The following DOCK9 variants were observed in gnomAD, a reference collection of about 807,000 sequenced individuals.
DOCK9 encodes dedicator of cytokinesis 9.
In DOCK9, 89 loss-of-function variants were observed where a neutral mutation model predicts 263.3. The observed-to-expected ratio is 0.34, with a 90% CI of 0.28 to 0.40. The LOEUF is 0.40. Among genes scored for constraint, DOCK9 ranks in the 10% least tolerant of loss-of-function variants. DOCK9 has a pLI of 1.00. For missense variants in DOCK9, 2,140 were observed against 2,603.4 expected (o/e 0.82, Z 3.87); for synonymous variants, 976 against 973.1 (o/e 1.00, Z -0.06).
At chr13:98,973,087 T>C (rs2059901685) in intron 1 of DOCK9, among the ~76,000 whole-genome samples, 1 of 152,254 alleles carries the variant, frequency 6.6e-6, no homozygotes, top group Non-Finnish European at 1.5e-5. Context: ...AACATCTTTC[T>C]TTCACCATCC....
intron 30 of DOCK9, among the ~76,000 whole-genome samples, chr13:98,865,825 G>A (rs2094004446): frequency 1.3e-5 from 2 of 152,136 alleles, no homozygotes; most frequent in African/African-American, 4.8e-5. Flanking sequence ...GGAGACCCTG[G>A]GAGGCCCCAT....
At chr13:98,986,394 G>C in intron 1 of DOCK9, among the ~76,000 whole-genome samples, 1 of 152,170 alleles carries the variant, frequency 6.6e-6, no homozygotes, top group East Asian at 1.9e-4. Context: ...CTCTAGACTC[G>C]TACTTCTGCA....
In DOCK9 at chr13:98,883,114, A is replaced by G; in HGVS notation, c.2487T>C (p.Asn829=). The G allele has an allele frequency of 6.2e-7, 1 of 1,613,850 alleles. No individual in the cohort carries two copies. Among genetic ancestry groups the G allele is most frequent in the Non-Finnish European group, 8.5e-7 (1 of 1,179,788 alleles). ...TVYTQDQHLH[N]FFQYCQKTES... ...CGGTTTTCTGACAGTACTGGAAAAAATTATGTAAATGCTGATCCTGAGGTA... is the reference window on the plus strand; with the variant it reads ...CGGTTTTCTGACAGTACTGGAAAAAGTTATGTAAATGCTGATCCTGAGGTA... Residue 829 remains asparagine, a synonymous_variant, in exon 23 of 53, where the codon AAT becomes AAC. Coordinates refer to ENST00000682017, the MANE Select transcript of DOCK9 (RefSeq NM_001366683.2).
chr13:98,878,375 T>C (rs1239600647), intron 27 of DOCK9, among the ~76,000 whole-genome samples: 1 of 152,238 alleles, frequency 6.6e-6, no homozygotes. Context: ...TCAGTGGTAA[T>C]AAACACATTC....
chr13:98,931,746 C>T (rs9517489), intron 2 of DOCK9, among the ~76,000 whole-genome samples: 96,524 of 151,706 alleles, frequency 0.64, 31,365 homozygotes, highest in Middle Eastern at 0.76. Flanking sequence ...TACAGGCGGG[C>T]GCCACCACAC....
intron 1 of DOCK9, among the ~76,000 whole-genome samples, chr13:99,073,341 C>T (rs2041767777): frequency 7.1e-6 from 1 of 141,150 alleles, no homozygotes; most frequent in Non-Finnish European, 1.6e-5. Context: ...TCTTCTTTCT[C>T]TCCTCTCTTC....
At chr13:98,801,204 G>A (rs2090070600) in intron 49 of DOCK9, among the ~76,000 whole-genome samples, 1 of 152,180 alleles carries the variant, frequency 6.6e-6, no homozygotes, top group South Asian at 2.1e-4. Flanking sequence ...CAGGAGGCTT[G>A]AGCCCAGGAG....
At chr13:98,826,084 C>G in intron 44 of DOCK9, 1 of 532,180 alleles carries the variant, frequency 1.9e-6, no homozygotes, top group Middle Eastern at 3.0e-4. Flanking sequence ...CAGAAATATA[C>G]AGTCTGTGGC....
chr13:98,893,909 G>A (rs144726557), intron 15 of DOCK9, among the ~76,000 whole-genome samples: 52 of 152,230 alleles, frequency 3.4e-4, no homozygotes, highest in Middle Eastern at 6.8e-3. Flanking sequence ...TGTCACCATC[G>A]GATCCCTGTT....
At chr13:98,838,319 T>C (rs2093084068) in intron 38 of DOCK9, among the ~76,000 whole-genome samples, 1 of 152,174 alleles carries the variant, frequency 6.6e-6, no homozygotes, top group Admixed American at 6.5e-5. Flanking sequence ...ATTAAATTTG[T>C]TAATATTTGT....
At chr13:98,896,342 A>G (rs1426460023) in intron 15 of DOCK9, among the ~76,000 whole-genome samples, 2 of 152,170 alleles carry the variant, frequency 1.3e-5, no homozygotes, top group African/African-American at 4.8e-5. Context: ...GTGTTTTCAG[A>G]ACTTATTGAG....
chr13:98,984,207 G>A (rs1350703655), intron 1 of DOCK9, among the ~76,000 whole-genome samples: 2 of 152,152 alleles, frequency 1.3e-5, no homozygotes, highest in African/African-American at 4.8e-5. Flanking sequence ...CCAAAGTTCT[G>A]TGGTACAAAT....
At chr13:98,915,147 A>G (rs2050682281) in intron 8 of DOCK9, among the ~76,000 whole-genome samples, 182 bp downstream of exon 8, 1 of 148,794 alleles carries the variant, frequency 6.7e-6, no homozygotes, top group Non-Finnish European at 1.5e-5. Context: ...CCATATACGA[A>G]ATGTCAGGGA....
chr13:98,926,084 GC>G (rs1429828410), intron 3 of DOCK9, among the ~76,000 whole-genome samples, 165 bp from the exon 4 acceptor site: 1 of 152,230 alleles, frequency 6.6e-6, no homozygotes, highest in East Asian at 1.9e-4. Context: ...TTCCTGTGAA[GC>G]TTGAGACTTT....
chr13:99,056,718 T>C (rs890975433), intron 1 of DOCK9, among the ~76,000 whole-genome samples: 3 of 152,072 alleles, frequency 2.0e-5, no homozygotes, highest in African/African-American at 7.2e-5. Flanking sequence ...CCCTGTAACG[T>C]GTTGTTTTTC....
intron 37 of DOCK9, among the ~76,000 whole-genome samples, chr13:98,848,148 A>C (rs1188790357): frequency 6.6e-6 from 1 of 152,242 alleles, no homozygotes; most frequent in Non-Finnish European, 1.5e-5. Flanking sequence ...TCTTTCATTA[A>C]GAAAGAAGAA....
At chr13:99,077,639 G>A (rs1358375389) in intron 1 of DOCK9, among the ~76,000 whole-genome samples, 1 of 152,184 alleles carries the variant, frequency 6.6e-6, no homozygotes, top group Non-Finnish European at 1.5e-5. Flanking sequence ...AGACAGGAAA[G>A]GGGATGCCAG....
chr13:98,804,620 T>C (rs2090478624), intron 49 of DOCK9, among the ~76,000 whole-genome samples: 1 of 152,144 alleles, frequency 6.6e-6, no homozygotes. Flanking sequence ...GACAGGTGTG[T>C]GAGACGGGTC....
In DOCK9 at chr13:98,922,843, C is replaced by T. The variant is rs533460833; in HGVS notation, c.486+459G>A. Among the ~76,000 whole-genome samples the T allele has an allele frequency of 6.6e-5, 10 of 152,312 alleles. No individual in the cohort carries two copies. The East Asian group carries it at 1.9e-3, about 29-fold the overall frequency. On this transcript the variant is annotated intron_variant, in intron 5 of 52. Coordinates refer to ENST00000682017, the MANE Select transcript of DOCK9 (RefSeq NM_001366683.2). ...GGCAGACTCATCTCAATGCCCTACT[C>T]CCTTTATATAGTTCTTTAGCCATGA...
Sources: allele counts gnomAD v4.1 joint callset (sites outside exome capture counted in the v4.1 genomes callset), GRCh38; gene constraint gnomAD v4.1.1; transcripts MANE v1.5; gene names NCBI Gene and HGNC (gene_info 2026-07-23, HGNC 2026-07-21).